XXYLT1: variants seen among roughly 807,000 people sequenced by gnomAD.
The protein encoded by XXYLT1 is UDP-xylose:alpha-xyloside alpha-1,3-xylosyltransferase.
In XXYLT1, 20 loss-of-function variants were observed where a neutral mutation model predicts 28.9. That is an observed-to-expected ratio of 0.69 (90% CI 0.49 to 1.00). The LOEUF (loss-of-function observed/expected upper bound fraction) is 1.00, where lower values mean the gene tolerates loss of function less well. Ranked by LOEUF, XXYLT1 falls within the 50% of genes least tolerant of loss-of-function variation. The pLI is 0.00. For synonymous variants in XXYLT1, 257 were observed against 253.8 expected, an observed-to-expected ratio of 1.01 and a Z score of -0.12; for missense variants, 542 against 560.1, an observed-to-expected ratio of 0.97 and a Z score of 0.33.
At chr3:195,260,345 C>A (rs374206197) in intron 1 of XXYLT1, among the ~76,000 whole-genome samples, 1 of 152,076 alleles carries the variant, frequency 6.6e-6, no homozygotes, top group Admixed American at 6.5e-5. Flanking sequence ...CGGGGGGCCC[C>A]GTGCTGACCG....
At chr3:195,171,129 G>C (rs1398177907) in intron 2 of XXYLT1, among the ~76,000 whole-genome samples, 2 of 152,202 alleles carry the variant, frequency 1.3e-5, no homozygotes, top group Non-Finnish European at 2.9e-5. Flanking sequence ...CAGCCAACGG[G>C]CTTCCCTCTG....
chr3:195,131,927 G>C (rs1718926781), intron 3 of XXYLT1, among the ~76,000 whole-genome samples: 1 of 152,200 alleles, frequency 6.6e-6, no homozygotes, highest in Admixed American at 6.5e-5. Flanking sequence ...TCAGTGAAGA[G>C]GTTTGCCAAT....
chr3:195,234,309 ATTTTTTTTTTT>A (rs35536915), intron 1 of XXYLT1, among the ~76,000 whole-genome samples: 4 of 66,890 alleles, frequency 6.0e-5, no homozygotes, highest in Non-Finnish European at 8.2e-5. Context: ...TGTTTGAAGG[ATTTTTTTTTTT>A]TTTTTTTTTT....
At chr3:195,157,257 A>C (rs1247276199) in intron 2 of XXYLT1, among the ~76,000 whole-genome samples, 1 of 151,628 alleles carries the variant, frequency 6.6e-6, no homozygotes, top group Admixed American at 6.6e-5. Context: ...AAAAAAAAAA[A>C]AAAAAAAAAC....
intron 1 of XXYLT1, among the ~76,000 whole-genome samples, chr3:195,233,276 T>C (rs1189144382): frequency 6.6e-6 from 1 of 152,218 alleles, no homozygotes; most frequent in African/African-American, 2.4e-5. Context: ...ATGAAGTGTG[T>C]TTCCTGTAGG....
At chr3:195,220,451 T>C (rs1723775006) in intron 2 of XXYLT1, among the ~76,000 whole-genome samples, 2 of 152,130 alleles carry the variant, frequency 1.3e-5, no homozygotes, top group Admixed American at 1.3e-4. Context: ...GCCGGGCCCA[T>C]GCTCTTAACC....
At chr3:195,161,619 TATATAG>T (rs2108692511) in intron 2 of XXYLT1, among the ~76,000 whole-genome samples, 1 of 149,250 alleles carries the variant, frequency 6.7e-6, no homozygotes, top group South Asian at 2.2e-4. Flanking sequence ...CTCTATGAGA[TATATAG>T]ATATATAGAT....
intron 3 of XXYLT1, among the ~76,000 whole-genome samples, chr3:195,139,418 G>T (rs545773648): frequency 2.6e-5 from 4 of 152,308 alleles, no homozygotes; most frequent in African/African-American, 9.6e-5. Flanking sequence ...AGGACATAAG[G>T]CCTGCTGCTT....
intron 3 of XXYLT1, among the ~76,000 whole-genome samples, chr3:195,110,337 A>ACGTGG (rs1178063940): frequency 3.6e-3 from 8 of 2,210 alleles, no homozygotes; most frequent in Admixed American, 7.0e-3. Context: ...AGGTGTGTGT[A>ACGTGG]TGTGTGTGGT....
intron 3 of XXYLT1, among the ~76,000 whole-genome samples, chr3:195,153,165 C>G (rs1720370143): frequency 6.6e-6 from 1 of 152,220 alleles, no homozygotes; most frequent in Non-Finnish European, 1.5e-5. Flanking sequence ...CTCTCAGCCT[C>G]CCCACCCTAG....
rs1404940471 is a variant in XXYLT1, at chr3:195,257,397, GA to G, written c.504+13157del. ...AGTGTCAGCTCGGCAGGAGCCAGGGGAAAGGGGCTCACCAGGGTGGAGGTGA... is the reference window on the plus strand; with the variant it reads ...AGTGTCAGCTCGGCAGGAGCCAGGGGAAGGGGCTCACCAGGGTGGAGGTGA... On this transcript the variant is annotated intron_variant, in intron 1 of 3. Transcript: ENST00000310380. The surrounding 1 kb of genome is among the most constrained non-coding windows in gnomAD (Gnocchi z 4.3). Among the ~76,000 whole-genome samples, 3 of 152,254 alleles carry G rather than the reference GA, an allele frequency of 2.0e-5. No homozygotes were observed. Among genetic ancestry groups the G allele is most frequent in the Admixed American group, 6.5e-5 (1 of 15,288 alleles).
At chr3:195,227,043 T>G (rs1724086858) in intron 1 of XXYLT1, among the ~76,000 whole-genome samples, 187 bp from the exon 2 acceptor site, 1 of 151,970 alleles carries the variant, frequency 6.6e-6, no homozygotes, top group African/African-American at 2.4e-5. Flanking sequence ...GAGTCAGAAT[T>G]GAGGCCGCAC....
chr3:195,112,761 A>G (rs1383629709), intron 3 of XXYLT1, among the ~76,000 whole-genome samples: 2 of 93,434 alleles, frequency 2.1e-5, no homozygotes, highest in East Asian at 4.3e-4. Context: ...CAGTGCGCGC[A>G]TGCACACACA....
At chr3:195,079,224 G>C (rs1205313622) in intron 3 of XXYLT1, among the ~76,000 whole-genome samples, 1 of 152,162 alleles carries the variant, frequency 6.6e-6, no homozygotes, top group African/African-American at 2.4e-5. Flanking sequence ...AGAAGGAGAG[G>C]GATGGAGACG....
At chr3:195,083,059 C>A (rs1560084715) in intron 3 of XXYLT1, among the ~76,000 whole-genome samples, 2 of 152,222 alleles carry the variant, frequency 1.3e-5, no homozygotes, top group Non-Finnish European at 2.9e-5. Context: ...CAACGCTCAA[C>A]CCTCCGGAGG....
At position 195,133,174 on chromosome 3, in the gene XXYLT1, T is replaced by C. The variant is rs1213145419; in HGVS notation, c.785+23275A>G. On this transcript the variant is annotated intron_variant, in intron 3 of 3. Transcript: ENST00000310380. This position sits in a 1 kb window ranked among gnomAD's most constrained non-coding sequence, Gnocchi z 4.4. ...ATCAGGCAGATTAAGGGGCATGAAA[T>C]GTGAAGAGAAAGACGGCTGAAGCCC... Among the ~76,000 whole-genome samples, 1 of 152,054 alleles carries C rather than the reference T, an allele frequency of 6.6e-6. No individual in the cohort carries two copies. The highest frequency in any genetic ancestry group is 1.5e-5 in the Non-Finnish European group (1 of 67,998).
At chr3:195,138,901 G>A (rs1214567956) in intron 3 of XXYLT1, among the ~76,000 whole-genome samples, 2 of 151,152 alleles carry the variant, frequency 1.3e-5, no homozygotes, top group East Asian at 1.9e-4. Context: ...AAAGAAAAAT[G>A]GGCTAGAGAG....
At chr3:195,120,283 T>TGC (rs1553805972) in intron 3 of XXYLT1, among the ~76,000 whole-genome samples, 2 of 68,668 alleles carry the variant, frequency 2.9e-5, no homozygotes, top group Admixed American at 3.3e-4. Context: ...GCTGCTCAGA[T>TGC]GCCCCCCCCG....
rs560196257 is a variant in XXYLT1 at position 195,174,565 on chromosome 3, TG to T, written c.653-17985del. 4.9e-4 allele frequency among the ~76,000 whole-genome samples: 75 copies of T among 152,174 alleles called. 1 individual carries two copies. The East Asian group carries it at 0.014, about 29-fold the overall frequency. ...GTTGCCCAGGCTGGTCCTGAACTCC[TG>T]GGCTCAAGTGATCCTCCTGCCTCAG... On this transcript the variant is annotated intron_variant, in intron 2 of 3. Coordinates refer to ENST00000310380, the MANE Select transcript of XXYLT1 (RefSeq NM_152531.5).
Sources: gnomAD v4.1 joint callset for allele counts (sites outside exome capture counted in the v4.1 genomes callset) on GRCh38, gnomAD v4.1.1 for gene constraint, Gnocchi (gnomAD v3.1) non-coding constraint, MANE v1.5 for transcripts, NCBI Gene and HGNC (gene_info 2026-07-23, HGNC 2026-07-21) for gene names.